SNX18: variants seen among roughly 807,000 people sequenced by gnomAD.
SNX18 encodes the protein sorting nexin 18.
SNX18 carries 35 observed loss-of-function variants against 48.7 expected under a neutral mutation model. That is an observed-to-expected ratio of 0.72 (90% CI 0.55 to 0.95). The LOEUF (loss-of-function observed/expected upper bound fraction) is 0.95, where lower values mean the gene tolerates loss of function less well. Among genes scored for constraint, SNX18 ranks in the 40% least tolerant of loss-of-function variants. The pLI, the probability that SNX18 is intolerant of heterozygous loss-of-function variation, is 0.00. For synonymous variants in SNX18, 492 were observed against 384.7 expected, an observed-to-expected ratio of 1.28 and a Z score of -3.26; for missense variants, 824 against 871.0, an observed-to-expected ratio of 0.95 and a Z score of 0.68.
At chr5:54,643,907 A>G in the SNX18 span, 1 of 152,260 alleles carries the variant, frequency 6.6e-6, no homozygotes, top group South Asian at 2.1e-4. Context: ...GCAAAGAGCC[A>G]GGGAAAAAAC....
At chr5:54,558,166 T>C in the SNX18 span, among the ~76,000 whole-genome samples, 3 of 152,252 alleles carry the variant, frequency 2.0e-5, no homozygotes, top group African/African-American at 7.2e-5. Flanking sequence ...CTTTCTCCTG[T>C]GTCCTGGTAC....
At chr5:54,616,703 A>G in the SNX18 span, among the ~76,000 whole-genome samples, 1 of 152,122 alleles carries the variant, frequency 6.6e-6, no homozygotes, top group African/African-American at 2.4e-5. Flanking sequence ...CAGGAGGCCG[A>G]TATGGCAGTA....
intron 1 of SNX18, among the ~76,000 whole-genome samples, chr5:54,528,280 C>T (rs937669877): frequency 5.3e-5 from 8 of 152,116 alleles, no homozygotes; most frequent in African/African-American, 1.7e-4. Context: ...TGGATACACA[C>T]GGAGCACTGA....
the SNX18 span, among the ~76,000 whole-genome samples, chr5:54,613,947 G>A: frequency 6.6e-6 from 1 of 152,050 alleles, no homozygotes; most frequent in Non-Finnish European, 1.5e-5. Context: ...TGCCTGCCTC[G>A]GCCTCTCAAA....
At chr5:54,546,980 C>T (rs1762585949), downstream of SNX18, among the ~76,000 whole-genome samples, 1 of 152,216 alleles carries the variant, frequency 6.6e-6, no homozygotes, top group South Asian at 2.1e-4. Context: ...AGCTACGGGA[C>T]CTGGCATATC....
At chr5:54,605,583 C>T in the SNX18 span, among the ~76,000 whole-genome samples, 3 of 151,974 alleles carry the variant, frequency 2.0e-5, no homozygotes, top group East Asian at 1.9e-4. Context: ...TTTTATTTAA[C>T]CCAAGATATC....
At chr5:54,588,186 T>C in the SNX18 span, among the ~76,000 whole-genome samples, 1 of 151,820 alleles carries the variant, frequency 6.6e-6, no homozygotes, top group Non-Finnish European at 1.5e-5. Flanking sequence ...AAAGAATGCC[T>C]AAAAATTCTG....
At chr5:54,617,728 T>G in the SNX18 span, among the ~76,000 whole-genome samples, 2 of 152,138 alleles carry the variant, frequency 1.3e-5, no homozygotes, top group Non-Finnish European at 2.9e-5. Flanking sequence ...CTCTCTCTTT[T>G]TCTTTTTTTT....
the SNX18 span, among the ~76,000 whole-genome samples, chr5:54,636,184 C>T: frequency 6.6e-6 from 1 of 152,186 alleles, no homozygotes; most frequent in African/African-American, 2.4e-5. Context: ...TTCCATGATG[C>T]TCAGTCAGGG....
chr5:54,630,167 C>T, the SNX18 span, among the ~76,000 whole-genome samples: 1 of 152,196 alleles, frequency 6.6e-6, no homozygotes. Flanking sequence ...TGCCCCAGCT[C>T]TGTTGTACTC....
downstream of SNX18, among the ~76,000 whole-genome samples, chr5:54,548,161 A>G (rs1762603682): frequency 6.6e-6 from 1 of 152,164 alleles, no homozygotes; most frequent in African/African-American, 2.4e-5. Context: ...CCTGTGTCAG[A>G]GCTTCTCAAA....
At chr5:54,573,072 G>T in the SNX18 span, among the ~76,000 whole-genome samples, 1 of 151,898 alleles carries the variant, frequency 6.6e-6, no homozygotes, top group African/African-American at 2.4e-5. Flanking sequence ...ACTTGGGAGA[G>T]TCCTAATATC....
the SNX18 span, among the ~76,000 whole-genome samples, chr5:54,647,583 G>A: frequency 6.6e-6 from 1 of 152,036 alleles, no homozygotes; most frequent in East Asian, 1.9e-4. Context: ...GGAAGGGGAG[G>A]TAGGCAGAGG....
the SNX18 span, among the ~76,000 whole-genome samples, chr5:54,646,645 AAATGATGCAGG>A: frequency 7.9e-5 from 12 of 152,254 alleles, no homozygotes; most frequent in African/African-American, 2.9e-4. Context: ...TCCCAGCAGA[AAATGATGCAGG>A]AAAAGCACTC....
the SNX18 span, among the ~76,000 whole-genome samples, chr5:54,594,403 T>A: frequency 1.3e-5 from 2 of 152,192 alleles, no homozygotes; most frequent in Non-Finnish European, 2.9e-5. Context: ...ACAGCCAATC[T>A]GAGGTTGCTA....
In SNX18 at chr5:54,519,324, A is replaced by G; in HGVS notation, c.1372A>G (p.Thr458Ala). 1 of 1,613,704 alleles carries G rather than the reference A, an allele frequency of 6.2e-7. No homozygotes were observed. Among genetic ancestry groups the G allele is most frequent in the Non-Finnish European group, 8.5e-7 (1 of 1,179,798 alleles). Reference protein sequence around the residue: ...TANEFARKQVTGFKKEYQKVG... With the variant: ...TANEFARKQVAGFKKEYQKVG... Reference sequence around the variant, plus strand: ...CAACGAGTTCGCGCGCAAGCAGGTGACCGGCTTCAAAAAGGAGTATCAGAA... The same window carrying G: ...CAACGAGTTCGCGCGCAAGCAGGTGGCCGGCTTCAAAAAGGAGTATCAGAA... Residue 458 changes from threonine to alanine, a missense_variant, in exon 1 of 2, where the codon ACC becomes GCC. Coordinates refer to ENST00000381410, the MANE Select transcript of SNX18 (RefSeq NM_001102575.2).
At chr5:54,632,969 T>C in the SNX18 span, among the ~76,000 whole-genome samples, 2 of 151,974 alleles carry the variant, frequency 1.3e-5, no homozygotes, top group African/African-American at 4.8e-5. Flanking sequence ...GAGATGGGGT[T>C]TCTCCAAGTT....
At chr5:54,577,359 C>G in the SNX18 span, among the ~76,000 whole-genome samples, 1 of 111,316 alleles carries the variant, frequency 9.0e-6, no homozygotes, top group South Asian at 3.6e-4. Context: ...CCCCGCCCCC[C>G]TCCCCTCCTC....
the SNX18 span, among the ~76,000 whole-genome samples, chr5:54,590,881 C>G: frequency 6.6e-6 from 1 of 152,096 alleles, no homozygotes; most frequent in African/African-American, 2.4e-5. Context: ...TCCTGCCTGA[C>G]GCTCGCCACT....
Sources: gnomAD v4.1 joint callset for allele counts (sites outside exome capture counted in the v4.1 genomes callset) on GRCh38, gnomAD v4.1.1 for gene constraint, MANE v1.5 for transcripts, NCBI Gene and HGNC (gene_info 2026-07-23, HGNC 2026-07-21) for gene names.